The following GABRG1 variants were observed in gnomAD, a reference collection of about 807,000 sequenced individuals.
The protein encoded by GABRG1 is gamma-aminobutyric acid receptor subunit gamma-1.
GABRG1 carries 49 observed loss-of-function variants against 49.8 expected under a neutral mutation model. That is an observed-to-expected ratio of 0.98 (90% CI 0.78 to 1.25). GABRG1 has a LOEUF of 1.25. Among genes scored for constraint, GABRG1 ranks in the 50% most tolerant of loss-of-function variants. The pLI is 0.00. For synonymous variants in GABRG1, 232 were observed against 185.1 expected (o/e 1.25, Z -2.06); for missense variants, 552 against 552.3 (o/e 1.00, Z 0.01).
At chr4:46,064,573 A>C (rs938901834) in intron 4 of GABRG1, 50 bp from the exon 5 acceptor site, 5 of 932,890 alleles carry the variant, frequency 5.4e-6, no homozygotes, top group Non-Finnish European at 7.9e-6. Flanking sequence ...AATTTGAAGC[A>C]TTAAAAATCT....
At chr4:46,061,660 G>A (rs1040261573) in intron 5 of GABRG1, among the ~76,000 whole-genome samples, 1 of 151,226 alleles carries the variant, frequency 6.6e-6, no homozygotes, top group African/African-American at 2.4e-5. Flanking sequence ...TTCCTATAAA[G>A]AATATACCAG....
At chr4:46,096,882 T>C (rs374164808) in intron 2 of GABRG1, among the ~76,000 whole-genome samples, 16 of 151,892 alleles carry the variant, frequency 1.1e-4, no homozygotes, top group East Asian at 9.7e-4. Flanking sequence ...TTTATAAAAA[T>C]GGTCATTATT....
intron 1 of GABRG1, among the ~76,000 whole-genome samples, chr4:46,109,444 C>CA (rs1720654086): frequency 6.6e-6 from 1 of 150,824 alleles, no homozygotes; most frequent in Non-Finnish European, 1.5e-5. Flanking sequence ...TTCAGTCCAT[C>CA]AATCTTGTTT....
intron 2 of GABRG1, among the ~76,000 whole-genome samples, chr4:46,087,928 T>C (rs542448689): frequency 2.6e-5 from 4 of 152,146 alleles, no homozygotes; most frequent in Non-Finnish European, 5.9e-5. Context: ...TCTAATACTG[T>C]AGCCAGTAGA....
intron 3 of GABRG1, among the ~76,000 whole-genome samples, chr4:46,074,791 C>T (rs1409322026): frequency 6.6e-6 from 1 of 151,984 alleles, no homozygotes. Flanking sequence ...TAATTACGTA[C>T]ATAATTTTAA....
intron 3 of GABRG1, 124 bp from the exon 4 acceptor site, chr4:46,065,708 G>A (rs1412448283): frequency 3.4e-6 from 2 of 592,378 alleles, no homozygotes; most frequent in Non-Finnish European, 5.9e-6. Context: ...CTTTTCGGAG[G>A]AAAAAAATGC....
chr4:46,042,685 G>A (rs1385976413), intron 8 of GABRG1, among the ~76,000 whole-genome samples: 3 of 151,858 alleles, frequency 2.0e-5, no homozygotes, highest in Non-Finnish European at 4.4e-5. Flanking sequence ...GTCCATTTTA[G>A]TTCTAAAAAG....
At chr4:46,070,516 G>A (rs1469176211) in intron 3 of GABRG1, among the ~76,000 whole-genome samples, 1 of 151,964 alleles carries the variant, frequency 6.6e-6, no homozygotes, top group African/African-American at 2.4e-5. Flanking sequence ...TAGTACCTGA[G>A]TACCTGAATT....
chr4:46,106,441 CA>C (rs888579294), intron 1 of GABRG1, among the ~76,000 whole-genome samples: 1 of 151,428 alleles, frequency 6.6e-6, no homozygotes, highest in African/African-American at 2.4e-5. Flanking sequence ...TCTTATACAA[CA>C]AAAGACTTTG....
At chr4:46,046,173 A>G (rs1467380627) in intron 8 of GABRG1, among the ~76,000 whole-genome samples, 1 of 152,088 alleles carries the variant, frequency 6.6e-6, no homozygotes, top group African/African-American at 2.4e-5. Flanking sequence ...ATGCTCCACT[A>G]TTACTGTTAA....
intron 3 of GABRG1, among the ~76,000 whole-genome samples, chr4:46,075,531 G>A (rs1030739071): frequency 8.6e-5 from 13 of 151,942 alleles, no homozygotes; most frequent in African/African-American, 3.1e-4. Flanking sequence ...GACTCCATCT[G>A]AGATTACTGT....
rs140396014 is a variant in GABRG1 at position 46,066,002 on chromosome 4, G to T, written c.322-418C>A. 5.4e-4 allele frequency among the ~76,000 whole-genome samples: 82 copies of T among 152,228 alleles called. 1 individual carries two copies. Among genetic ancestry groups the T allele is most frequent in the African/African-American group, 1.7e-3 (71 of 41,548 alleles). On this transcript the variant is annotated intron_variant, in intron 3 of 8. Coordinates refer to ENST00000295452, the MANE Select transcript of GABRG1 (RefSeq NM_173536.4). ...CTCCCAAAGTGCTGGGATTACAGGC[G>T]TGAGCCACCGCACACGGCCTAAACT... is the stretch of plus-strand genomic sequence containing the variant.
rs1305179984 is a variant in GABRG1 at position 46,038,967 on chromosome 4, C to T, written c.*2021G>A. Reference sequence around the variant, plus strand: ...AAGGAAAAGCTATTTATATCAAGCACTTTTAAGTATTTTAAAATACAGTCA... The same window carrying T: ...AAGGAAAAGCTATTTATATCAAGCATTTTTAAGTATTTTAAAATACAGTCA... On this transcript the variant is annotated 3_prime_UTR_variant, in exon 9 of 9. Coordinates refer to ENST00000295452, the MANE Select transcript of GABRG1 (RefSeq NM_173536.4). 2.6e-5 allele frequency: 4 copies of T among 151,554 alleles called. No individual in the cohort carries two copies. The highest frequency in any genetic ancestry group is 5.9e-5 in the Non-Finnish European group (4 of 67,670). The allele number at this position is 151,554 out of a possible 1,614,324, so 9.4% of individuals were successfully genotyped here.
chr4:46,090,347 A>G (rs1719934417), intron 2 of GABRG1, among the ~76,000 whole-genome samples: 1 of 152,102 alleles, frequency 6.6e-6, no homozygotes, highest in East Asian at 1.9e-4. Flanking sequence ...CCTAAAATGC[A>G]AAACTCATGG....
intron 7 of GABRG1, among the ~76,000 whole-genome samples, chr4:46,055,031 C>T (rs1274015631): frequency 1.1e-5 from 1 of 89,362 alleles, no homozygotes; most frequent in Non-Finnish European, 2.2e-5. Flanking sequence ...CCATTCAGGA[C>T]ATAGGCGTGG....
In GABRG1 at chr4:46,066,970, T is replaced by C. The variant is rs557378004; in HGVS notation, c.322-1386A>G. Among the ~76,000 whole-genome samples the C allele has an allele frequency of 1.2e-3, 179 of 151,946 alleles. 1 individual carries two copies. Among genetic ancestry groups the C allele is most frequent in the Non-Finnish European group, 2.3e-3 (159 of 67,916 alleles). ...TTAAAAGAATAAGTAAATTGAAAAA[T>C]AGGTATTATATAAGTTACTTCTGGT... is the stretch of plus-strand genomic sequence containing the variant. On this transcript the variant is annotated intron_variant, in intron 3 of 8. Transcript: ENST00000295452.
chr4:46,059,933 T>A (rs966092346), intron 5 of GABRG1, among the ~76,000 whole-genome samples: 1 of 152,200 alleles, frequency 6.6e-6, no homozygotes, highest in Non-Finnish European at 1.5e-5. Flanking sequence ...CCATTATTTA[T>A]TTTTTACTTT....
At chr4:46,056,151 TAAAAAAAAAAA>T (rs1182116080) in intron 7 of GABRG1, among the ~76,000 whole-genome samples, 1 of 9,144 alleles carries the variant, frequency 1.1e-4, no homozygotes, top group Non-Finnish European at 1.6e-4. Context: ...ATAAATAAAT[TAAAAAAAAAAA>T]AAAAAAAAAA....
At chr4:46,088,815 T>TGTGTGTGTGTGTGTGTG (rs35197192) in intron 2 of GABRG1, among the ~76,000 whole-genome samples, 5 of 131,684 alleles carry the variant, frequency 3.8e-5, no homozygotes, top group East Asian at 2.3e-4. Context: ...TTGTGTGTGT[T>TGTGTGTGTGTGTGTGTG]TGTGTGTGTG....
Sources: gnomAD v4.1 joint callset for allele counts (sites outside exome capture counted in the v4.1 genomes callset) on GRCh38, gnomAD v4.1.1 for gene constraint, MANE v1.5 for transcripts, NCBI Gene and HGNC (gene_info 2026-07-23, HGNC 2026-07-21) for gene names.